JAK3: variants seen among roughly 807,000 people sequenced by gnomAD.
JAK3 encodes the protein tyrosine-protein kinase JAK3.
Under a neutral mutation model 120.8 loss-of-function variants are expected in JAK3, and 88 were observed. The observed-to-expected ratio is 0.73, with a 90% CI of 0.61 to 0.87. The LOEUF is 0.87. JAK3 is among the 40% of genes least tolerant of loss of function. The probability of loss-of-function intolerance (pLI) is 0.00; values close to 1 mark genes in which losing one functional copy is unlikely to be tolerated. For synonymous variants in JAK3, 592 were observed against 628.6 expected (o/e 0.94, Z 0.87); for missense variants, 1,254 against 1,501.4 (o/e 0.84, Z 2.72).
rs2094241639 is a variant in JAK3 at position 17,842,333 on chromosome 19, T to C, written c.844A>G (p.Thr282Ala). 6.4e-7 allele frequency: 1 copy of C among 1,567,614 alleles called. No individual in the cohort carries two copies. The highest frequency in any genetic ancestry group is 1.7e-5 in the Admixed American group (1 of 58,164). The change falls in exon 6 of 24, where the codon ACC (threonine) becomes GCC (alanine). Residue 282 changes from threonine to alanine, a missense_variant. Physicochemically the swap from Thr to Ala is moderately conservative, Grantham distance 58 (BLOSUM62 0). Coordinates refer to ENST00000458235, the MANE Select transcript of JAK3 (RefSeq NM_000215.4). The surrounding 1 kb of genome is among the most constrained non-coding windows in gnomAD (Gnocchi z 6.4). Reference protein sequence around the residue: ...RVAGDGGIAWTQGEQEVLQPF... With the variant: ...RVAGDGGIAWAQGEQEVLQPF... Reference sequence around the variant, plus strand: ...GCCCTCACCTCCTGTTCTCCCTGGGTCCAGGCGATGCCGCCGTCACCAGCC... The same window carrying C: ...GCCCTCACCTCCTGTTCTCCCTGGGCCCAGGCGATGCCGCCGTCACCAGCC...
In JAK3 at chr19:17,838,418, CCA is replaced by C. The variant is rs756761020; in HGVS notation, c.1442-30_1442-29del. On this transcript the variant is annotated intron_variant, in intron 10 of 23. Transcript: ENST00000458235. ...ATGGGGAGAGGATGAGGGAGAAAAA[CCA>C]GAAATCAGAGGTGAAAAGTCCCCAA... The C allele has an allele frequency of 6.4e-5, 104 of 1,614,074 alleles. No homozygotes were observed. The African/African-American group carries it at 1.1e-3, about 17-fold the overall frequency.
In JAK3 at chr19:17,826,819, C is replaced by T; in HGVS notation, c.3299G>A (p.Ser1100Asn). 4 of 1,614,106 alleles carry T rather than the reference C, an allele frequency of 2.5e-6. No individual in the cohort carries two copies. Among genetic ancestry groups the T allele is most frequent in the Non-Finnish European group, 3.4e-6 (4 of 1,180,014 alleles). Residue 1100 changes from serine to asparagine, a missense_variant, in exon 24 of 24, where the codon AGC (serine) becomes AAC (asparagine). By Grantham distance (46) the Ser-to-Asn change is conservative. Coordinates refer to ENST00000458235, the MANE Select transcript of JAK3 (RefSeq NM_000215.4). ...ALGPQLDMLW[S>N]GSRGCETHAF... ...ATGAGTCTCACACCCCCGGCTTCCG[C>T]TCCACAGCATGTCCAGCTGGGGGCC...
At chr19:17,847,912 C>T in intron 1 of JAK3, 34 bp downstream of exon 1, 1 of 927,090 alleles carries the variant, frequency 1.1e-6, no homozygotes, top group Non-Finnish European at 1.3e-6. Context: ...CCCCCAGTGT[C>T]TGGGCCGAGC....
chr19:17,844,007 TGACCAG>T, intron 2 of JAK3, 107 bp from the exon 3 acceptor site: 1 of 1,429,086 alleles, frequency 7.0e-7, no homozygotes, highest in Non-Finnish European at 9.6e-7. Context: ...CCTCAAGGTA[TGACCAG>T]CTGTTCCCTT....
Position 17,832,763 on chromosome 19 carries a change from A to G in JAK3, c.2490+27T>C. On this transcript the variant is annotated intron_variant, in intron 18 of 23. Coordinates refer to ENST00000458235, the MANE Select transcript of JAK3 (RefSeq NM_000215.4). The surrounding 1 kb of genome is among the most constrained non-coding windows in gnomAD (Gnocchi z 4.7). The stretch of plus-strand genomic sequence containing the variant: ...ACCTGGATGCTGCCCTGCCCTCTCC[A>G]ACCCACCCTGGCCCTGCCCACCTTA... The G allele has an allele frequency of 3.1e-6, 5 of 1,613,750 alleles. No homozygotes were observed. Among genetic ancestry groups the G allele is most frequent in the Non-Finnish European group, 4.2e-6 (5 of 1,179,608 alleles).
At position 17,844,450 on chromosome 19, in the gene JAK3, A is replaced by T. The variant is rs1244989614; in HGVS notation, c.-13-20T>A. On this transcript the variant is annotated intron_variant, in intron 1 of 23. Coordinates refer to ENST00000458235, the MANE Select transcript of JAK3 (RefSeq NM_000215.4). ...ACTTGCCTGGGGCACAGAGAGAAAAAGCCCCTCAGTCCTGGTCAGAGGGGA... is the reference window on the plus strand; with the variant it reads ...ACTTGCCTGGGGCACAGAGAGAAAATGCCCCTCAGTCCTGGTCAGAGGGGA... The T allele has an allele frequency of 6.3e-7, 1 of 1,588,256 alleles. No homozygotes were observed. Among genetic ancestry groups the T allele is most frequent in the Non-Finnish European group, 8.6e-7 (1 of 1,167,742 alleles).
At position 17,841,816 on chromosome 19, in the gene JAK3, A is replaced by G. The variant is rs569028629; in HGVS notation, c.862-54T>C. On this transcript the variant is annotated intron_variant, in intron 6 of 23. Coordinates refer to ENST00000458235, the MANE Select transcript of JAK3 (RefSeq NM_000215.4). The surrounding 1 kb of genome is among the most constrained non-coding windows in gnomAD (Gnocchi z 4.1). The stretch of plus-strand genomic sequence containing the variant: ...GGGCCCAGCTGGACCCCGCCAAACC[A>G]CGCCCATGAACCCACCCCCAAGCCA... The G allele has an allele frequency of 1.2e-3, 1,899 of 1,594,826 alleles. 8 individuals carry two copies. The highest frequency in any genetic ancestry group is 7.2e-3 in the Middle Eastern group (41 of 5,664).
intron 1 of JAK3, among the ~76,000 whole-genome samples, chr19:17,844,968 G>T (rs2094248900): frequency 6.6e-6 from 1 of 152,128 alleles, no homozygotes; most frequent in African/African-American, 2.4e-5. Flanking sequence ...GGGGCCAGGG[G>T]TGGGGCTTCG....
At position 17,826,704 on chromosome 19, in the gene JAK3, A is replaced by C. The variant is rs747724805; in HGVS notation, c.*39T>G. On this transcript the variant is annotated 3_prime_UTR_variant, in exon 24 of 24. Transcript: ENST00000458235. ...GCTCCGGGCCTAAGGTCACACAGCC[A>C]GTCAACAGAGACCTAATCCAGAGGT... 6 of 1,611,820 alleles carry C rather than the reference A, an allele frequency of 3.7e-6. No homozygotes were observed. The Admixed American group carries it at 1.0e-4, about 27-fold the overall frequency.
rs868787405 is a variant in JAK3, at chr19:17,831,113, A to C, written c.2978+115T>G. Reference sequence around the variant, plus strand: ...GTGGGAGGGGCCAAAGCTGCAGCGGAGGAAGGGCGGGGCTAAGGCTGGGGA... The same window carrying C: ...GTGGGAGGGGCCAAAGCTGCAGCGGCGGAAGGGCGGGGCTAAGGCTGGGGA... On this transcript the variant is annotated intron_variant, in intron 21 of 23. Coordinates refer to ENST00000458235, the MANE Select transcript of JAK3 (RefSeq NM_000215.4). The surrounding 1 kb of genome is among the most constrained non-coding windows in gnomAD (Gnocchi z 5.1). 7 of 1,053,476 alleles carry C rather than the reference A, an allele frequency of 6.6e-6. No homozygotes were observed. In the African/African-American group the frequency reaches 8.8e-5, roughly 13 times the overall value. 65.3% of individuals were successfully genotyped at this position (1,053,476 alleles called of 1,614,324 possible).
Position 17,832,369 on chromosome 19 carries a change from G to A in JAK3, c.2680+150C>T, listed in dbSNP as rs963609260. On this transcript the variant is annotated intron_variant, in intron 19 of 23. Transcript: ENST00000458235. The surrounding 1 kb of genome is among the most constrained non-coding windows in gnomAD (Gnocchi z 4.7). Reference sequence around the variant, plus strand: ...GTTAAGGTTTCACAACTGGTAAGGGGTAGAGTCAGGATTCAAACCTGTAAC... The same window carrying A: ...GTTAAGGTTTCACAACTGGTAAGGGATAGAGTCAGGATTCAAACCTGTAAC... The A allele has an allele frequency of 7.8e-5, 63 of 807,536 alleles. 1 individual carries two copies. In the Admixed American group the frequency reaches 1.1e-3, roughly 15 times the overall value. The allele number at this position is 807,536 out of a possible 1,614,324, so 50.0% of individuals were successfully genotyped here.
chr19:17,840,567 T>C (rs1186466296), intron 8 of JAK3, among the ~76,000 whole-genome samples: 1 of 151,854 alleles, frequency 6.6e-6, no homozygotes, highest in East Asian at 1.9e-4. Flanking sequence ...ATCAACACCA[T>C]CCTGGCTAAC....
At position 17,826,748 on chromosome 19, in the gene JAK3, A is replaced by G; in HGVS notation, c.3370T>C (p.Ser1124Pro). ...CAGAGGTCTGCGGGCAGGAGCTATG[A>G]AAAGGACAGGGAGTGGTGTTTGCCC... The part of the protein sequence containing the change: ...PEGKHHSLSF[S>P] Residue 1124 changes from serine (S) to proline (P), a missense_variant, in exon 24 of 24, where the codon TCA (serine) becomes CCA (proline). By Grantham distance (74) the Ser-to-Pro change is moderately conservative. Around this residue, in one of 3 missense-constraint regions of JAK3, gnomAD observed 630 missense variants for 819.8 expected, o/e 0.77. Coordinates refer to ENST00000458235, the MANE Select transcript of JAK3 (RefSeq NM_000215.4). 1 of 1,614,074 alleles carries G rather than the reference A, an allele frequency of 6.2e-7. No individual in the cohort carries two copies. Among genetic ancestry groups the G allele is most frequent in the Non-Finnish European group, 8.5e-7 (1 of 1,179,922 alleles).
chr19:17,830,048 G>T, intron 23 of JAK3, 60 bp downstream of exon 23: 2 of 1,269,236 alleles, frequency 1.6e-6, no homozygotes, highest in Non-Finnish European at 1.1e-6. Context: ...CAGCTGGCTT[G>T]CCCGAGACCC....
chr19:17,838,104 T>C, intron 11 of JAK3, 41 bp from the exon 12 acceptor site: 1 of 1,613,486 alleles, frequency 6.2e-7, no homozygotes, highest in Non-Finnish European at 8.5e-7. Flanking sequence ...AGTGAGGGGG[T>C]TCCTGCAGGA....
chr19:17,843,618 CTG>C lies in JAK3; in HGVS notation c.309-129_309-128del. On this transcript the variant is annotated intron_variant, in intron 3 of 23. Coordinates refer to ENST00000458235, the MANE Select transcript of JAK3 (RefSeq NM_000215.4). This position sits in a 1 kb window ranked among gnomAD's most constrained non-coding sequence, Gnocchi z 5.4. ...GAGCCCAGCTTGTACCTTTAACTTG[CTG>C]TGTGACCTTGGGCAAGTGACCCACC... is the stretch of plus-strand genomic sequence containing the variant. 2 of 1,195,574 alleles carry C rather than the reference CTG, an allele frequency of 1.7e-6. No homozygotes were observed. The highest frequency in any genetic ancestry group is 2.5e-6 in the Non-Finnish European group (2 of 802,924). 74.1% of individuals were successfully genotyped at this position (1,195,574 alleles called of 1,614,324 possible).
intron 12 of JAK3, among the ~76,000 whole-genome samples, 195 bp from the exon 13 acceptor site, chr19:17,837,408 T>TTTTTGTTTTG (rs552562879): frequency 1.3e-5 from 2 of 151,970 alleles, no homozygotes; most frequent in African/African-American, 4.8e-5. Flanking sequence ...CATCTATGGT[T>TTTTTGTTTTG]TTTTGTTTTG....
At position 17,844,244 on chromosome 19, in the gene JAK3, G is replaced by A. The variant is rs201471961; in HGVS notation, c.174C>T (p.Ala58=). ...HLAEDLCVQA[A]KASGILPVYH... is the part of the protein sequence containing the mutation. ...TAGGGATGCACTCACCGCTGGCCTTGGCAGCCTGCACGCACAGGTCCTCAG... is the reference window on the plus strand; with the variant it reads ...TAGGGATGCACTCACCGCTGGCCTTAGCAGCCTGCACGCACAGGTCCTCAG... Residue 58 remains alanine, a synonymous_variant, in exon 2 of 24, where the codon GCC becomes GCT. Coordinates refer to ENST00000458235, the MANE Select transcript of JAK3 (RefSeq NM_000215.4). 4 of 1,595,568 alleles carry A rather than the reference G, an allele frequency of 2.5e-6. No individual in the cohort carries two copies. The highest frequency in any genetic ancestry group is 1.1e-5 in the South Asian group (1 of 88,408).
At chr19:17,844,641 G>A (rs1052797090) in intron 1 of JAK3, among the ~76,000 whole-genome samples, 3 of 151,762 alleles carry the variant, frequency 2.0e-5, no homozygotes, top group African/African-American at 7.3e-5. Flanking sequence ...TCTAAAAAGT[G>A]CAAAACTTAG....
Sources: gnomAD v4.1 joint callset for allele counts (sites outside exome capture counted in the v4.1 genomes callset) on GRCh38, gnomAD v4.1.1 for gene constraint, gnomAD v4.1.1 regional missense constraint, Gnocchi (gnomAD v3.1) non-coding constraint, MANE v1.5 for transcripts, NCBI Gene and HGNC (gene_info 2026-07-23, HGNC 2026-07-21) for gene names.